Variants in THRAP3 observed in about 807,000 individuals in gnomAD.
THRAP3 encodes thyroid hormone receptor-associated protein 3.
Under a neutral mutation model 101.0 loss-of-function variants are expected in THRAP3, and 16 were observed. The ratio of observed to expected loss-of-function variants is 0.16; its 90% CI spans 0.11 to 0.24. The LOEUF is 0.24. Ranked by LOEUF, THRAP3 falls within the 10% of genes least tolerant of loss-of-function variation. The probability of loss-of-function intolerance (pLI) is 1.00; values close to 1 mark genes in which losing one functional copy is unlikely to be tolerated. For synonymous variants in THRAP3, 407 were observed against 422.6 expected (o/e 0.96, Z 0.45); for missense variants, 989 against 1,202.7 (o/e 0.82, Z 2.63).
At chr1:36,212,078 G>A in the THRAP3 span, among the ~76,000 whole-genome samples, 1 of 152,206 alleles carries the variant, frequency 6.6e-6, no homozygotes. Context: ...AGCTTAACTG[G>A]TATAGCTGGG....
At chr1:36,265,512 A>G (rs1254900943) in intron 2 of THRAP3, among the ~76,000 whole-genome samples, 1 of 145,684 alleles carries the variant, frequency 6.9e-6, no homozygotes, top group African/African-American at 2.6e-5. Flanking sequence ...CATGCATGGC[A>G]CAGTAAGTGT....
chr1:36,256,548 A>G (rs1006975242), intron 1 of THRAP3, among the ~76,000 whole-genome samples: 1 of 151,900 alleles, frequency 6.6e-6, no homozygotes, highest in African/African-American at 2.4e-5. Context: ...TTTGGGCATT[A>G]TCTACTAATT....
upstream of THRAP3, among the ~76,000 whole-genome samples, chr1:36,220,541 G>A (rs1262598328): frequency 1.3e-5 from 2 of 151,964 alleles, no homozygotes; most frequent in African/African-American, 4.8e-5. Context: ...GTGAAGGCTG[G>A]GTGCAGTGGC....
chr1:36,213,567 C>A, the THRAP3 span, among the ~76,000 whole-genome samples: 3 of 152,008 alleles, frequency 2.0e-5, no homozygotes, highest in East Asian at 5.8e-4. Flanking sequence ...AACTCCTGGC[C>A]GGGCGCTGTG....
intron 1 of THRAP3, among the ~76,000 whole-genome samples, chr1:36,256,188 G>GATGATTATTATT (rs1553194369): frequency 7.4e-6 from 1 of 136,000 alleles, no homozygotes; most frequent in African/African-American, 2.8e-5. Flanking sequence ...GGCCTGCCTG[G>GATGATTATTATT]ATTATTATTA....
chr1:36,298,644 T>C (rs1474132452), intron 9 of THRAP3, among the ~76,000 whole-genome samples: 1 of 151,822 alleles, frequency 6.6e-6, no homozygotes, highest in African/African-American at 2.4e-5. Flanking sequence ...GGAGTACAGG[T>C]ATGCACCATG....
chr1:36,259,713 C>T lies in THRAP3; in HGVS notation c.-32+229C>T, dbSNP rs1370970290. Among the ~76,000 whole-genome samples the T allele has an allele frequency of 3.3e-5, 5 of 150,876 alleles. No homozygotes were observed. In the Admixed American group the frequency reaches 3.3e-4, roughly 10 times the overall value. ...CTCAGTAGTTGGAGACTGCAGTGAACCATGTTCATGCCACTGCACTCCAGC... is the reference window on the plus strand; with the variant it reads ...CTCAGTAGTTGGAGACTGCAGTGAATCATGTTCATGCCACTGCACTCCAGC... On this transcript the variant is annotated intron_variant, in intron 2 of 11. Transcript: ENST00000354618.
At chr1:36,241,216 T>C (rs1230101148) in intron 1 of THRAP3, among the ~76,000 whole-genome samples, 3 of 151,192 alleles carry the variant, frequency 2.0e-5, no homozygotes, top group East Asian at 3.9e-4. Context: ...AAAAGATTTT[T>C]ACTTTTCAGA....
rs992041543 is a variant in THRAP3, at chr1:36,304,195, G to A, written c.*178G>A. 1.1e-4 allele frequency: 111 copies of A among 987,812 alleles called. No individual in the cohort carries two copies. The highest frequency in any genetic ancestry group is 1.4e-4 in the Non-Finnish European group (100 of 717,318). The allele number at this position is 987,812 out of a possible 1,614,324, so 61.2% of individuals were successfully genotyped here. A position where few individuals can be genotyped will look rare whatever the true frequency, so the allele number is the denominator to read the frequency against. On this transcript the variant is annotated 3_prime_UTR_variant, in exon 12 of 12. Transcript: ENST00000354618. ...TGGCGCTGTCTCCCACTGGACAGAG[G>A]AGGCTGGCCATGGGGCCCAGGGGTC...
intron 1 of THRAP3, 32 bp downstream of exon 1, chr1:36,224,537 A>G (rs868456934): frequency 1.3e-4 from 20 of 152,568 alleles, no homozygotes; most frequent in African/African-American, 4.3e-4. Flanking sequence ...AAGTTAGGGC[A>G]GCTTAACCGG....
In THRAP3 at chr1:36,263,737, T is replaced by G. The variant is rs377609394; in HGVS notation, c.-32+4253T>G. 1.1e-4 allele frequency among the ~76,000 whole-genome samples: 16 copies of G among 152,318 alleles called. 2 individuals carry two copies. The highest frequency in any genetic ancestry group is 3.4e-4 in the African/African-American group (14 of 41,582). ...CCCCAATGATTAATTGCATAGATGA[T>G]CCTGAGCTTAATAGACACGCATTGA... On this transcript the variant is annotated intron_variant, in intron 2 of 11. Transcript: ENST00000354618.
intron 6 of THRAP3, among the ~76,000 whole-genome samples, 154 bp downstream of exon 6, chr1:36,291,700 A>G (rs1345710753): frequency 3.3e-5 from 5 of 152,270 alleles, no homozygotes; most frequent in Non-Finnish European, 7.3e-5. Flanking sequence ...TTCAAGAAGC[A>G]GTTTCCATAT....
Position 36,238,646 on chromosome 1 carries a change from CTT to C in THRAP3, c.-135+14144_-135+14145del, listed in dbSNP as rs555312664. 3.7e-4 allele frequency among the ~76,000 whole-genome samples: 56 copies of C among 152,226 alleles called. No homozygotes were observed. The East Asian group carries it at 9.1e-3, about 25-fold the overall frequency. On this transcript the variant is annotated intron_variant, in intron 1 of 11. Coordinates refer to ENST00000354618, the MANE Select transcript of THRAP3 (RefSeq NM_005119.4). ...TCTCATTGAATGTAGCTAAAATGGA[CTT>C]TTAGTCAGCAACACTTTTAGAAGAT... is the stretch of plus-strand genomic sequence containing the variant.
intron 6 of THRAP3, among the ~76,000 whole-genome samples, chr1:36,292,081 G>A (rs1245125868): frequency 6.6e-6 from 1 of 152,042 alleles, no homozygotes. Context: ...AGACATGGGA[G>A]CTACAGTGGA....
In THRAP3 at chr1:36,243,707, G is replaced by A. The variant is rs569492177; in HGVS notation, c.-134-15675G>A. 1.2e-4 allele frequency among the ~76,000 whole-genome samples: 18 copies of A among 152,262 alleles called. No homozygotes were observed. In the South Asian group the frequency reaches 2.5e-3, roughly 21 times the overall value. On this transcript the variant is annotated intron_variant, in intron 1 of 11. Coordinates refer to ENST00000354618, the MANE Select transcript of THRAP3 (RefSeq NM_005119.4). ...CATCATGGCCCGTTCTCAATGAGCC[G>A]CTGGGCACACCTCCCAGACGGGGCG...
At chr1:36,276,340 C>T (rs866519284) in intron 2 of THRAP3, among the ~76,000 whole-genome samples, 31 of 150,854 alleles carry the variant, frequency 2.1e-4, no homozygotes, top group South Asian at 4.2e-4. Context: ...CTGGCTAACA[C>T]GGTGAAACCC....
the THRAP3 span, among the ~76,000 whole-genome samples, chr1:36,212,811 C>T: frequency 6.6e-6 from 1 of 152,174 alleles, no homozygotes; most frequent in Non-Finnish European, 1.5e-5. Context: ...TGCCACTCTG[C>T]TCCTAGGTCA....
chr1:36,260,237 G>A (rs553189012), intron 2 of THRAP3, among the ~76,000 whole-genome samples: 22 of 152,086 alleles, frequency 1.4e-4, no homozygotes, highest in Non-Finnish European at 2.6e-4. Context: ...GCAAGACCTT[G>A]TCTCAGAAAA....
intron 1 of THRAP3, among the ~76,000 whole-genome samples, chr1:36,233,859 T>C (rs1412841213): frequency 6.6e-6 from 1 of 152,258 alleles, no homozygotes; most frequent in Admixed American, 6.5e-5. Flanking sequence ...AAGTAGGTTG[T>C]GATAATGATA....
Sources: allele counts gnomAD v4.1 joint callset (sites outside exome capture counted in the v4.1 genomes callset), GRCh38; gene constraint gnomAD v4.1.1; transcripts MANE v1.5; gene names NCBI Gene and HGNC (gene_info 2026-07-23, HGNC 2026-07-21).